TAS2R40: variants seen among roughly 807,000 people sequenced by gnomAD.
TAS2R40 encodes the protein taste 2 receptor member 40, also known as taste receptor type 2 member 40.
In TAS2R40, 14 loss-of-function variants were observed where a neutral mutation model predicts 16.5. The observed-to-expected ratio is 0.85, with a 90% CI of 0.56 to 1.32. The LOEUF (loss-of-function observed/expected upper bound fraction) is 1.32. TAS2R40 is among the 40% of genes most tolerant of loss of function. The pLI is 0.00. For missense variants in TAS2R40, 350 were observed against 385.9 expected (o/e 0.91, Z 0.78); for synonymous variants, 152 against 150.2 (o/e 1.01, Z -0.09).
chr7:143,222,812 C>T lies in TAS2R40; in HGVS notation c.734C>T (p.Ala245Val), dbSNP rs762983530. The change falls in exon 1 of 1, where the codon GCC becomes GTC. Residue 245 changes from alanine to valine, a missense_variant. Transcript: ENST00000408947. Reference protein sequence around the residue: ...RDPSMKAHIGAIKATSYFLIL... With the variant: ...RDPSMKAHIGVIKATSYFLIL... Reference sequence around the variant, plus strand: ...CCCAGCATGAAGGCTCACATAGGGGCCATCAAAGCCACCAGCTACTTTCTC... The same window carrying T: ...CCCAGCATGAAGGCTCACATAGGGGTCATCAAAGCCACCAGCTACTTTCTC... 2 of 1,614,164 alleles carry T rather than the reference C, an allele frequency of 1.2e-6. No homozygotes were observed. The highest frequency in any genetic ancestry group is 1.1e-5 in the South Asian group (1 of 91,078).
At position 143,222,313 on chromosome 7, in the gene TAS2R40, A is replaced by AT; in HGVS notation, c.239dup (p.Ser81GlnfsTer9). The AT allele has an allele frequency of 6.2e-7, 1 of 1,614,058 alleles. No individual in the cohort carries two copies. The highest frequency in any genetic ancestry group is 8.5e-7 in the Non-Finnish European group (1 of 1,180,018). Reference sequence around the variant, plus strand: ...ACAGATTTGGATGATGCTGGAGAACATTTTCAGTCTGCTATTCCGAATTGT... The same window carrying AT: ...ACAGATTTGGATGATGCTGGAGAACATTTTTCAGTCTGCTATTCCGAATTGT... On this transcript the variant is annotated frameshift_variant, in exon 1 of 1. Transcript: ENST00000408947. LOFTEE classifies it high-confidence loss of function.
At position 143,222,303 on chromosome 7, in the gene TAS2R40, G is replaced by A. The variant is rs1017757066; in HGVS notation, c.225G>A (p.Met75Ile). 2 of 1,614,172 alleles carry A rather than the reference G, an allele frequency of 1.2e-6. No homozygotes were observed. The highest frequency in any genetic ancestry group is 1.7e-6 in the Non-Finnish European group (2 of 1,180,036). ...GGCTCTTGCTACAGATTTGGATGAT[G>A]CTGGAGAACATTTTCAGTCTGCTAT... ...FSRLLLQIWM[M>I]LENIFSLLFR... Residue 75 changes from methionine (M) to isoleucine (I), a missense_variant, in exon 1 of 1, where the codon ATG (methionine) becomes ATA (isoleucine). Transcript: ENST00000408947.
Position 143,222,265 on chromosome 7 carries a change from C to G in TAS2R40, c.187C>G (p.Leu63Val). The change falls in exon 1 of 1, where the codon CTG (leucine) becomes GTG (valine). Residue 63 changes from leucine (L) to valine (V), a missense_variant. Physicochemically the swap from Leu to Val is conservative, Grantham distance 32 (BLOSUM62 1). Coordinates refer to ENST00000408947, the MANE Select transcript of TAS2R40 (RefSeq NM_176882.2). Reference protein sequence around the residue: ...LPTGDRIMLMLSFSRLLLQIW... With the variant: ...LPTGDRIMLMVSFSRLLLQIW... ...CACTGGTGACCGCATTATGTTGATG[C>G]TGAGCTTTTCCAGGCTCTTGCTACA... 6.2e-7 allele frequency: 1 copy of G among 1,614,172 alleles called. No individual in the cohort carries two copies. Among genetic ancestry groups the G allele is most frequent in the Non-Finnish European group, 8.5e-7 (1 of 1,180,038 alleles).
chr7:143,222,341 A>C lies in TAS2R40; in HGVS notation c.263A>C (p.Tyr88Ser), dbSNP rs756252062. Reference sequence around the variant, plus strand: ...TTCAGTCTGCTATTCCGAATTGTTTATAACCAAAACTCAGTGTATATCCTC... The same window carrying C: ...TTCAGTCTGCTATTCCGAATTGTTTCTAACCAAAACTCAGTGTATATCCTC... ...NIFSLLFRIVYNQNSVYILFK... is the reference protein window; with the variant it reads ...NIFSLLFRIVSNQNSVYILFK... Residue 88 changes from tyrosine to serine, a missense_variant, in exon 1 of 1, where the codon TAT becomes TCT. Coordinates refer to ENST00000408947, the MANE Select transcript of TAS2R40 (RefSeq NM_176882.2). 7.4e-6 allele frequency: 12 copies of C among 1,614,218 alleles called. No individual in the cohort carries two copies. The highest frequency in any genetic ancestry group is 9.3e-6 in the Non-Finnish European group (11 of 1,180,042).
Position 143,222,254 on chromosome 7 carries a change from T to A in TAS2R40, c.176T>A (p.Ile59Asn). ...RGKTLPTGDR[I>N]MLMLSFSRLL... ...AAAACACTCCCCACTGGTGACCGCATTATGTTGATGCTGAGCTTTTCCAGG... is the reference window on the plus strand; with the variant it reads ...AAAACACTCCCCACTGGTGACCGCAATATGTTGATGCTGAGCTTTTCCAGG... Residue 59 changes from isoleucine (I) to asparagine (N), a missense_variant, in exon 1 of 1, where the codon ATT becomes AAT. Physicochemically the swap from Ile to Asn is moderately radical, Grantham distance 149 (BLOSUM62 -3). Coordinates refer to ENST00000408947, the MANE Select transcript of TAS2R40 (RefSeq NM_176882.2). 1 of 1,614,134 alleles carries A rather than the reference T, an allele frequency of 6.2e-7. No homozygotes were observed. Among genetic ancestry groups the A allele is most frequent in the South Asian group, 1.1e-5 (1 of 91,078 alleles).
rs1800254469 is a variant in TAS2R40, at chr7:143,222,898, T to C, written c.820T>C (p.Tyr274His). The C allele has an allele frequency of 6.2e-7, 1 of 1,614,096 alleles. No individual in the cohort carries two copies. The highest frequency in any genetic ancestry group is 8.5e-7 in the Non-Finnish European group (1 of 1,180,034). Residue 274 changes from tyrosine (Y) to histidine (H), a missense_variant, in exon 1 of 1, where the codon TAC becomes CAC. Coordinates refer to ENST00000408947, the MANE Select transcript of TAS2R40 (RefSeq NM_176882.2). ...TTCCACGTCCAACATCTTTGACACT[T>C]ACAGTTCCTGGAATATTTTGTGCAA... ...FLSTSNIFDT[Y>H]SSWNILCKII...
chr7:143,222,567 T>G lies in TAS2R40; in HGVS notation c.489T>G (p.Asp163Glu), dbSNP rs1383317514. ...GCTTCAGCTTTCCTCTCTCGAGAGATGTCTTCAATGTGTATGTGAATAGCT... is the reference window on the plus strand; with the variant it reads ...GCTTCAGCTTTCCTCTCTCGAGAGAGGTCTTCAATGTGTATGTGAATAGCT... ...SLSFSFPLSRDVFNVYVNSSI... is the reference protein window; with the variant it reads ...SLSFSFPLSREVFNVYVNSSI... Residue 163 changes from aspartate to glutamate, a missense_variant, in exon 1 of 1, where the codon GAT becomes GAG. Transcript: ENST00000408947. 6.2e-7 allele frequency: 1 copy of G among 1,614,224 alleles called. No individual in the cohort carries two copies. Among genetic ancestry groups the G allele is most frequent in the East Asian group, 2.2e-5 (1 of 44,884 alleles).
rs755951183 is a variant in TAS2R40 at position 143,222,621 on chromosome 7, G to A, written c.543G>A (p.Thr181=). 41 of 1,613,784 alleles carry A rather than the reference G, an allele frequency of 2.5e-5. No homozygotes were observed. The highest frequency in any genetic ancestry group is 4.5e-5 in the East Asian group (2 of 44,882). The change falls in exon 1 of 1, where the codon ACG becomes ACA. Residue 181 remains threonine, a synonymous_variant. Coordinates refer to ENST00000408947, the MANE Select transcript of TAS2R40 (RefSeq NM_176882.2). ...TTCCTATCCCCTCCTCCAACTCCAC[G>A]GAGAAGAAGTACTTCTCTGAGACCA... is the stretch of plus-strand genomic sequence containing the variant. The part of the protein sequence containing the change: ...SSIPIPSSNS[T]EKKYFSETNM...
chr7:143,222,116 T>C lies in TAS2R40; in HGVS notation c.38T>C (p.Ile13Thr), dbSNP rs781348724. Residue 13 changes from isoleucine (I) to threonine (T), a missense_variant, in exon 1 of 1, where the codon ATA (isoleucine) becomes ACA (threonine). Physicochemically the swap from Ile to Thr is moderately conservative, Grantham distance 89. Transcript: ENST00000408947. Reference protein sequence around the residue: ...TVNTDATDKDISKFKVTFTLV... With the variant: ...TVNTDATDKDTSKFKVTFTLV... The stretch of plus-strand genomic sequence containing the variant: ...AACACAGATGCCACAGATAAAGACA[T>C]ATCCAAGTTCAAGGTCACCTTCACT... 3 of 1,613,884 alleles carry C rather than the reference T, an allele frequency of 1.9e-6. No individual in the cohort carries two copies. In the East Asian group the frequency reaches 6.7e-5, roughly 36 times the overall value.
chr7:143,222,177 C>A lies in TAS2R40; in HGVS notation c.99C>A (p.Ile33=). ...VVSGIECITG[I]LGSGFITAIY... is the part of the protein sequence containing the mutation. ...CCGGAATAGAGTGCATCACTGGCAT[C>A]CTTGGGAGTGGCTTCATCACGGCCA... The change falls in exon 1 of 1, where the codon ATC becomes ATA. Residue 33 remains isoleucine, a synonymous_variant. Coordinates refer to ENST00000408947, the MANE Select transcript of TAS2R40 (RefSeq NM_176882.2). 6.2e-7 allele frequency: 1 copy of A among 1,614,110 alleles called. No individual in the cohort carries two copies. Among genetic ancestry groups the A allele is most frequent in the Non-Finnish European group, 8.5e-7 (1 of 1,180,008 alleles).
Position 143,222,390 on chromosome 7 carries a change from G to C in TAS2R40, c.312G>C (p.Leu104=), listed in dbSNP as rs769229248. ...YILFKVITVF[L]NHSNLWFAAW... is the part of the protein sequence containing the mutation. ...TCTTCAAAGTCATCACTGTCTTTCT[G>C]AACCATTCCAATCTCTGGTTTGCTG... The change falls in exon 1 of 1, where the codon CTG becomes CTC. Residue 104 remains leucine, a synonymous_variant. Coordinates refer to ENST00000408947, the MANE Select transcript of TAS2R40 (RefSeq NM_176882.2). 2.5e-6 allele frequency: 4 copies of C among 1,614,120 alleles called. No individual in the cohort carries two copies. In the Admixed American group the frequency reaches 5.0e-5, roughly 20 times the overall value.
Position 143,222,827 on chromosome 7 carries a change from G to C in TAS2R40, c.749G>C (p.Ser250Thr), listed in dbSNP as rs199846375. 26 of 1,614,150 alleles carry C rather than the reference G, an allele frequency of 1.6e-5. No individual in the cohort carries two copies. The highest frequency in any genetic ancestry group is 2.0e-5 in the Non-Finnish European group (24 of 1,180,008). ...KAHIGAIKATSYFLILYIFNA... is the reference protein window; with the variant it reads ...KAHIGAIKATTYFLILYIFNA... ...CACATAGGGGCCATCAAAGCCACCA[G>C]CTACTTTCTCATCCTCTACATTTTC... The change falls in exon 1 of 1, where the codon AGC (serine) becomes ACC (threonine). Residue 250 changes from serine to threonine, a missense_variant. Transcript: ENST00000408947.
chr7:143,222,123 G>A lies in TAS2R40; in HGVS notation c.45G>A (p.Lys15=). The A allele has an allele frequency of 6.2e-7, 1 of 1,614,094 alleles. No homozygotes were observed. Among genetic ancestry groups the A allele is most frequent in the South Asian group, 1.1e-5 (1 of 91,082 alleles). Residue 15 remains lysine, a synonymous_variant, in exon 1 of 1, where the codon AAG becomes AAA. Transcript: ENST00000408947. ...NTDATDKDIS[K]FKVTFTLVVS... ...ATGCCACAGATAAAGACATATCCAA[G>A]TTCAAGGTCACCTTCACTTTGGTGG...
At position 143,222,669 on chromosome 7, in the gene TAS2R40, C is replaced by T; in HGVS notation, c.591C>T (p.Phe197=). 2 of 1,614,108 alleles carry T rather than the reference C, an allele frequency of 1.2e-6. No individual in the cohort carries two copies. Among genetic ancestry groups the T allele is most frequent in the South Asian group, 2.2e-5 (2 of 91,080 alleles). ...CCAATATGGTCAACCTGGTATTTTTCTATAACATGGGGATCTTCGTTCCTC... is the reference window on the plus strand; with the variant it reads ...CCAATATGGTCAACCTGGTATTTTTTTATAACATGGGGATCTTCGTTCCTC... The part of the protein sequence containing the change: ...SETNMVNLVF[F]YNMGIFVPLI... Residue 197 remains phenylalanine, a synonymous_variant, in exon 1 of 1, where the codon TTC becomes TTT. Coordinates refer to ENST00000408947, the MANE Select transcript of TAS2R40 (RefSeq NM_176882.2).
At position 143,222,197 on chromosome 7, in the gene TAS2R40, C is replaced by T. The variant is rs759074986; in HGVS notation, c.119C>T (p.Thr40Met). The change falls in exon 1 of 1, where the codon ACG becomes ATG. Residue 40 changes from threonine (T) to methionine (M), a missense_variant. By Grantham distance (81) the Thr-to-Met change is moderately conservative. Coordinates refer to ENST00000408947, the MANE Select transcript of TAS2R40 (RefSeq NM_176882.2). ...ITGILGSGFITAIYGAEWARG... is the reference protein window; with the variant it reads ...ITGILGSGFIMAIYGAEWARG... ...GGCATCCTTGGGAGTGGCTTCATCA[C>T]GGCCATCTATGGGGCTGAGTGGGCC... 101 of 1,614,028 alleles carry T rather than the reference C, an allele frequency of 6.3e-5. No homozygotes were observed. Among genetic ancestry groups the T allele is most frequent in the African/African-American group, 4.9e-4 (37 of 74,918 alleles).
Position 143,222,909 on chromosome 7 carries a change from G to A in TAS2R40, c.831G>A (p.Trp277Ter), listed in dbSNP as rs866765172. 2 of 1,614,116 alleles carry A rather than the reference G, an allele frequency of 1.2e-6. No homozygotes were observed. The highest frequency in any genetic ancestry group is 1.7e-6 in the Non-Finnish European group (2 of 1,180,022). ...ACATCTTTGACACTTACAGTTCCTG[G>A]AATATTTTGTGCAAGATCATCATGG... Reference protein sequence around the residue: ...TSNIFDTYSSWNILCKIIMAA... With the variant: ...TSNIFDTYSS The change falls in exon 1 of 1, where the codon TGG becomes TGA. Residue 277 changes from tryptophan to a stop codon, truncating the protein, a stop_gained. Transcript: ENST00000408947. LOFTEE classifies it high-confidence loss of function.
chr7:143,222,071 CA>C lies in TAS2R40; in HGVS notation c.-5del. ...GGCGCAGAAACCTGAAAGTCAGGAT[CA>C]AAGAGAATGGCAACGGTGAACACAG... is the stretch of plus-strand genomic sequence containing the variant. On this transcript the variant is annotated 5_prime_UTR_variant, in exon 1 of 1. Coordinates refer to ENST00000408947, the MANE Select transcript of TAS2R40 (RefSeq NM_176882.2). 1 of 1,600,602 alleles carries C rather than the reference CA, an allele frequency of 6.2e-7. No homozygotes were observed. The highest frequency in any genetic ancestry group is 8.5e-7 in the Non-Finnish European group (1 of 1,171,514).
chr7:143,222,621 G>T lies in TAS2R40; in HGVS notation c.543G>T (p.Thr181=). The change falls in exon 1 of 1, where the codon ACG becomes ACT. Residue 181 remains threonine, a synonymous_variant. Coordinates refer to ENST00000408947, the MANE Select transcript of TAS2R40 (RefSeq NM_176882.2). Reference sequence around the variant, plus strand: ...TTCCTATCCCCTCCTCCAACTCCACGGAGAAGAAGTACTTCTCTGAGACCA... The same window carrying T: ...TTCCTATCCCCTCCTCCAACTCCACTGAGAAGAAGTACTTCTCTGAGACCA... ...SSIPIPSSNS[T]EKKYFSETNM... is the part of the protein sequence containing the mutation. 1 of 1,613,902 alleles carries T rather than the reference G, an allele frequency of 6.2e-7. No individual in the cohort carries two copies. The highest frequency in any genetic ancestry group is 8.5e-7 in the Non-Finnish European group (1 of 1,179,912).
rs1484625601 is a variant in TAS2R40, at chr7:143,222,505, C to T, written c.427C>T (p.Pro143Ser). 3 of 1,614,026 alleles carry T rather than the reference C, an allele frequency of 1.9e-6. No homozygotes were observed. Among genetic ancestry groups the T allele is most frequent in the Non-Finnish European group, 2.5e-6 (3 of 1,180,026 alleles). The change falls in exon 1 of 1, where the codon CCT (proline) becomes TCT (serine). Residue 143 changes from proline (P) to serine (S), a missense_variant. Physicochemically the swap from Pro to Ser is moderately conservative, Grantham distance 74 (BLOSUM62 -1). Transcript: ENST00000408947. ...LMKRKIIVLM[P>S]WLLRLSVLVS... ...GAAGAGGAAAATCATAGTGCTGATG[C>T]CTTGGCTTCTCAGGCTGTCAGTGTT... is the stretch of plus-strand genomic sequence containing the variant.
Sources: allele counts gnomAD v4.1 joint callset, GRCh38; gene constraint gnomAD v4.1.1; transcripts MANE v1.5; gene names NCBI Gene and HGNC (gene_info 2026-07-23, HGNC 2026-07-21).